The following AMBRA1 variants were observed in gnomAD, a reference collection of about 807,000 sequenced individuals.
AMBRA1 encodes the protein autophagy and beclin 1 regulator 1.
In AMBRA1, 47 loss-of-function variants were observed where a neutral mutation model predicts 125.4. The observed-to-expected ratio is 0.37, with a 90% CI of 0.30 to 0.48. AMBRA1 has a LOEUF of 0.48. Ranked by LOEUF, AMBRA1 falls within the 20% of genes least tolerant of loss-of-function variation. The pLI, the probability that AMBRA1 is intolerant of heterozygous loss-of-function variation, is 0.99. For missense variants in AMBRA1, 1,331 were observed against 1,693.4 expected, an observed-to-expected ratio of 0.79 and a Z score of 3.76; for synonymous variants, 626 against 655.5, an observed-to-expected ratio of 0.95 and a Z score of 0.69.
At chr11:46,579,317 T>G (rs1326455052) in intron 1 of AMBRA1, among the ~76,000 whole-genome samples, 1 of 151,852 alleles carries the variant, frequency 6.6e-6, no homozygotes, top group Non-Finnish European at 1.5e-5. Context: ...ATTAGCCGTG[T>G]GTGGTGGTGC....
chr11:46,546,453 G>A (rs938403633), intron 4 of AMBRA1, among the ~76,000 whole-genome samples: 4 of 152,044 alleles, frequency 2.6e-5, no homozygotes, highest in Non-Finnish European at 4.4e-5. Flanking sequence ...GATCATGATC[G>A]GAGTACAGGA....
rs11386442 is a variant in AMBRA1 at position 46,445,071 on chromosome 11, C to CAA, written c.2522-1475_2522-1474dup. Among the ~76,000 whole-genome samples, 15 of 89,816 alleles carry CAA rather than the reference C, an allele frequency of 1.7e-4. No individual in the cohort carries two copies. In the East Asian group the frequency reaches 2.1e-3, roughly 12 times the overall value. 58.9% of individuals were successfully genotyped at this position (89,816 alleles called of 152,430 possible). ...TTCAAAGGGGCAAAAAAAAGAAAAA[C>CAA]AAAAAAAAAAAAACAAAAAAAAACT... On this transcript the variant is annotated intron_variant, in intron 11 of 17. Transcript: ENST00000683756.
chr11:46,431,615 A>G (rs1947459203), intron 14 of AMBRA1, among the ~76,000 whole-genome samples: 2 of 152,272 alleles, frequency 1.3e-5, no homozygotes, highest in South Asian at 2.1e-4. Context: ...GAGGTCTGTC[A>G]GAGCTACCAA....
At chr11:46,496,397 A>G (rs1950632257) in intron 9 of AMBRA1, among the ~76,000 whole-genome samples, 1 of 152,124 alleles carries the variant, frequency 6.6e-6, no homozygotes, top group Non-Finnish European at 1.5e-5. Context: ...AAAATAAAAT[A>G]AAAAATAGAA....
At chr11:46,462,762 T>C (rs773132382) in intron 11 of AMBRA1, among the ~76,000 whole-genome samples, 29 of 151,954 alleles carry the variant, frequency 1.9e-4, no homozygotes, top group Non-Finnish European at 3.1e-4. Flanking sequence ...CCCCCTCCTT[T>C]TTTTTTTGAG....
At chr11:46,462,209 C>T (rs1221122193) in intron 11 of AMBRA1, among the ~76,000 whole-genome samples, 2 of 152,186 alleles carry the variant, frequency 1.3e-5, no homozygotes, top group African/African-American at 4.8e-5. Flanking sequence ...TGCGCGTAAA[C>T]AAGTGAGCAC....
intron 1 of AMBRA1, among the ~76,000 whole-genome samples, chr11:46,570,016 C>A (rs990679609): frequency 6.6e-6 from 1 of 151,540 alleles, no homozygotes; most frequent in Admixed American, 6.6e-5. Context: ...AATCCCAGCA[C>A]TTTGGGAGGC....
At chr11:46,433,976 G>A (rs1441647068) in intron 13 of AMBRA1, among the ~76,000 whole-genome samples, 1 of 151,894 alleles carries the variant, frequency 6.6e-6, no homozygotes, top group South Asian at 2.1e-4. Context: ...TTAGTCAGGC[G>A]TGGTTGCGCA....
chr11:46,493,793 A>C, intron 10 of AMBRA1, 85 bp from the exon 11 acceptor site: 2 of 1,087,622 alleles, frequency 1.8e-6, no homozygotes, highest in Non-Finnish European at 2.6e-6. Flanking sequence ...AATCTGGGCT[A>C]AGGGACCCAC....
At chr11:46,538,235 T>C (rs535998001) in intron 7 of AMBRA1, among the ~76,000 whole-genome samples, 39 of 152,346 alleles carry the variant, frequency 2.6e-4, no homozygotes, top group African/African-American at 7.2e-4. Context: ...TACGACATCC[T>C]AGCTCATTTA....
At chr11:46,492,941 C>T (rs1423284728) in intron 11 of AMBRA1, among the ~76,000 whole-genome samples, 2 of 152,110 alleles carry the variant, frequency 1.3e-5, no homozygotes, top group Non-Finnish European at 2.9e-5. Flanking sequence ...CCTAGCTACT[C>T]GGGAGGCTGA....
At chr11:46,478,555 G>A (rs1405471652) in intron 11 of AMBRA1, among the ~76,000 whole-genome samples, 2 of 151,478 alleles carry the variant, frequency 1.3e-5, no homozygotes, top group African/African-American at 4.9e-5. Flanking sequence ...CCAGGGTCCA[G>A]CTTTTTATTT....
intron 14 of AMBRA1, among the ~76,000 whole-genome samples, chr11:46,420,035 GT>G (rs1394058874): frequency 7.8e-3 from 50 of 6,390 alleles, no homozygotes; most frequent in Non-Finnish European, 0.02. Flanking sequence ...TCCAGGTGTT[GT>G]GGTGCTGAGA....
intron 14 of AMBRA1, among the ~76,000 whole-genome samples, chr11:46,423,847 T>A (rs1161102874): frequency 6.7e-5 from 9 of 134,140 alleles, no homozygotes; most frequent in African/African-American, 2.6e-4. Context: ...CACCACAATC[T>A]CTGCCTCCTG....
intron 17 of AMBRA1, among the ~76,000 whole-genome samples, chr11:46,398,920 T>C (rs180861106): frequency 7.3e-4 from 110 of 151,620 alleles, no homozygotes; most frequent in African/African-American, 2.4e-3. Flanking sequence ...ATTACAGGCA[T>C]GCACCATCAT....
At chr11:46,564,105 T>C (rs1439289671) in intron 1 of AMBRA1, among the ~76,000 whole-genome samples, 2 of 145,872 alleles carry the variant, frequency 1.4e-5, no homozygotes, top group African/African-American at 2.6e-5. Flanking sequence ...GATGGCGCCA[T>C]TGCACTCCAC....
At position 46,543,256 on chromosome 11, in the gene AMBRA1, A is replaced by G; in HGVS notation, c.761T>C (p.Ile254Thr). The stretch of plus-strand genomic sequence containing the variant: ...CACTGTGCTTTGCTCTCCCACCTGG[A>G]TGCCAGAAGAGCGGGAGGACAGCAT... The part of the protein sequence containing the change: ...LHMLSSRSSG[I>T]QVGEQSTVQD... The change falls in exon 7 of 18, where the codon ATC becomes ACC. Residue 254 changes from isoleucine (I) to threonine (T), a missense_variant. Ile to Thr is a moderately conservative substitution (Grantham distance 89, BLOSUM62 -1). Coordinates refer to ENST00000683756, the MANE Select transcript of AMBRA1 (RefSeq NM_001387011.1). The G allele has an allele frequency of 6.2e-7, 1 of 1,613,952 alleles. No individual in the cohort carries two copies. The highest frequency in any genetic ancestry group is 8.5e-7 in the Non-Finnish European group (1 of 1,179,988).
Position 46,553,423 on chromosome 11 carries a change from G to A in AMBRA1, c.-120-4923C>T, listed in dbSNP as rs78405538. 3.0e-4 allele frequency among the ~76,000 whole-genome samples: 46 copies of A among 152,140 alleles called. No individual in the cohort carries two copies. The East Asian group carries it at 8.3e-3, about 28-fold the overall frequency. On this transcript the variant is annotated intron_variant, in intron 1 of 17. Coordinates refer to ENST00000683756, the MANE Select transcript of AMBRA1 (RefSeq NM_001387011.1). Reference sequence around the variant, plus strand: ...AGTTCTCTCACTGGAGTACTAAGATGTAAAAGTCAGAAAGATTTCACAGCA... The same window carrying A: ...AGTTCTCTCACTGGAGTACTAAGATATAAAAGTCAGAAAGATTTCACAGCA...
At chr11:46,559,444 C>T (rs375574414) in intron 1 of AMBRA1, among the ~76,000 whole-genome samples, 2 of 152,276 alleles carry the variant, frequency 1.3e-5, no homozygotes, top group African/African-American at 4.8e-5. Flanking sequence ...CCATCACTAC[C>T]TCAACTATAA....
Sources: allele counts gnomAD v4.1 joint callset (sites outside exome capture counted in the v4.1 genomes callset), GRCh38; gene constraint gnomAD v4.1.1; transcripts MANE v1.5; gene names NCBI Gene and HGNC (gene_info 2026-07-23, HGNC 2026-07-21).